Variants in ZFHX3 observed in about 807,000 individuals in gnomAD.
The protein encoded by ZFHX3 is zinc finger homeobox 3, also known as zinc finger homeobox protein 3.
A neutral mutation model predicts 279.1 loss-of-function variants in ZFHX3; 42 were observed. The observed-to-expected ratio is 0.15, with a 90% confidence interval of 0.12 to 0.19. The LOEUF is 0.19. ZFHX3 is among the 10% of genes least tolerant of loss of function. The pLI is 1.00. For missense variants in ZFHX3, 4,981 were observed against 4,754.0 expected, an observed-to-expected ratio of 1.05 and a Z score of -1.40; for synonymous variants, 2,293 against 1,957.8, an observed-to-expected ratio of 1.17 and a Z score of -4.52.
chr16:73,356,870 T>A, intron 3 of ZFHX3, among the ~76,000 whole-genome samples: 1 of 147,928 alleles, frequency 6.8e-6, no homozygotes, highest in South Asian at 2.2e-4. Flanking sequence ...GCCATGGGAG[T>A]ACACTAGGCC....
chr16:73,783,379 C>T (rs1213290754), intron 1 of ZFHX3, among the ~76,000 whole-genome samples: 1 of 152,180 alleles, frequency 6.6e-6, no homozygotes, highest in Non-Finnish European at 1.5e-5. Context: ...TCATGTTGTT[C>T]CCCAGTGTAT....
intron 4 of ZFHX3, among the ~76,000 whole-genome samples, chr16:72,878,949 T>A (rs2038389987): frequency 6.6e-6 from 1 of 152,104 alleles, no homozygotes; most frequent in East Asian, 1.9e-4. Flanking sequence ...CATCCAAGAT[T>A]GCCAGGAAGG....
intron 2 of ZFHX3, among the ~76,000 whole-genome samples, chr16:73,494,490 G>A (rs1017810386): frequency 6.6e-6 from 1 of 152,028 alleles, no homozygotes; most frequent in Non-Finnish European, 1.5e-5. Flanking sequence ...TTGATGCACC[G>A]ACCTAATCAT....
At chr16:73,838,254 C>G (rs1390396196) in intron 1 of ZFHX3, among the ~76,000 whole-genome samples, 1 of 152,206 alleles carries the variant, frequency 6.6e-6, no homozygotes, top group Non-Finnish European at 1.5e-5. Flanking sequence ...GTGGCCAGAG[C>G]TGTAGCCAAC....
intron 2 of ZFHX3, among the ~76,000 whole-genome samples, chr16:73,581,964 G>A (rs375054248): frequency 2.6e-5 from 4 of 151,766 alleles, no homozygotes; most frequent in East Asian, 1.9e-4. Context: ...ATGAGCCACC[G>A]CACCCAGCCT....
At chr16:73,309,906 CTTT>C (rs57812149) in intron 4 of ZFHX3, among the ~76,000 whole-genome samples, 2 of 114,406 alleles carry the variant, frequency 1.7e-5, no homozygotes, top group African/African-American at 3.2e-5. Context: ...TTTTTCTTGC[CTTT>C]TTTTTTTTTT....
intron 3 of ZFHX3, among the ~76,000 whole-genome samples, chr16:73,448,365 G>A (rs763960956): frequency 2.0e-5 from 3 of 152,100 alleles, no homozygotes; most frequent in Non-Finnish European, 2.9e-5. Flanking sequence ...AAACTAAGTG[G>A]TAAGCTATTA....
At chr16:72,907,517 G>A (rs2039206512) in intron 3 of ZFHX3, among the ~76,000 whole-genome samples, 1 of 147,064 alleles carries the variant, frequency 6.8e-6, no homozygotes, top group Admixed American at 6.9e-5. Context: ...AGCTCTACCG[G>A]TTCTCGGTTT....
At chr16:73,036,070 T>G (rs1048679115) in intron 1 of ZFHX3, among the ~76,000 whole-genome samples, 1 of 152,234 alleles carries the variant, frequency 6.6e-6, no homozygotes, top group Non-Finnish European at 1.5e-5. Context: ...AGGGGCCTGG[T>G]GTCCACCTTC....
intron 5 of ZFHX3, among the ~76,000 whole-genome samples, chr16:72,816,417 A>G (rs2036607641): frequency 1.3e-5 from 2 of 152,214 alleles, no homozygotes; most frequent in Admixed American, 1.3e-4. Context: ...TGCGCTATAG[A>G]TGACAAACTC....
intron 2 of ZFHX3, among the ~76,000 whole-genome samples, chr16:73,541,131 T>C (rs529275470): frequency 6.6e-6 from 1 of 152,254 alleles, no homozygotes; most frequent in South Asian, 2.1e-4. Flanking sequence ...TCCACCTTTA[T>C]GAATATTTAT....
At chr16:73,329,748 T>C (rs928837623) in intron 3 of ZFHX3, among the ~76,000 whole-genome samples, 8 of 152,100 alleles carry the variant, frequency 5.3e-5, no homozygotes, top group Admixed American at 5.2e-4. Context: ...AATGGGCAAA[T>C]CTAAGTAGGC....
At chr16:73,373,264 G>A (rs754329293) in intron 3 of ZFHX3, among the ~76,000 whole-genome samples, 4 of 152,036 alleles carry the variant, frequency 2.6e-5, no homozygotes, top group Non-Finnish European at 4.4e-5. Context: ...CCCTTTGGCC[G>A]AATTGTGCTA....
intron 2 of ZFHX3, among the ~76,000 whole-genome samples, chr16:73,672,281 G>A (rs996216466): frequency 1.3e-5 from 2 of 152,056 alleles, no homozygotes; most frequent in South Asian, 4.2e-4. Flanking sequence ...TGGGAACAAG[G>A]CAAGATATAC....
At chr16:73,372,657 T>C (rs749300367) in intron 3 of ZFHX3, among the ~76,000 whole-genome samples, 21 of 152,226 alleles carry the variant, frequency 1.4e-4, no homozygotes, top group Non-Finnish European at 2.8e-4. Context: ...TGATTTTCTC[T>C]GGCTGCTCAG....
chr16:73,795,715 A>G (rs191348247), intron 1 of ZFHX3, among the ~76,000 whole-genome samples: 6 of 152,314 alleles, frequency 3.9e-5, no homozygotes, highest in Admixed American at 6.5e-5. Context: ...TTGATCATCA[A>G]TCCCTTAACT....
Position 72,958,965 on chromosome 16 carries a change from A to T in ZFHX3, c.1181T>A (p.Leu394His), listed in dbSNP as rs1961414877. Reference protein sequence around the residue: ...AAGPEQPQAGLLTPSTLLNLG... With the variant: ...AAGPEQPQAGHLTPSTLLNLG... ...GTTCAACAGGGTGCTGGGGGTCAAG[A>T]GACCAGCCTGGGGCTGCTCGGGGCC... The change falls in exon 2 of 10, where the codon CTC (leucine) becomes CAC (histidine). Residue 394 changes from leucine (L) to histidine (H), a missense_variant. Physicochemically the swap from Leu to His is moderately conservative, Grantham distance 99. Coordinates refer to ENST00000268489, the MANE Select transcript of ZFHX3 (RefSeq NM_006885.4). The T allele has an allele frequency of 1.9e-6, 3 of 1,598,748 alleles. No individual in the cohort carries two copies. Among genetic ancestry groups the T allele is most frequent in the Non-Finnish European group, 2.6e-6 (3 of 1,172,872 alleles).
At chr16:73,296,988 C>T (rs1334506752) in intron 4 of ZFHX3, among the ~76,000 whole-genome samples, 1 of 149,648 alleles carries the variant, frequency 6.7e-6, no homozygotes, top group African/African-American at 2.5e-5. Context: ...TGCCATTCTC[C>T]TGCCTCAGCC....
intron 1 of ZFHX3, among the ~76,000 whole-genome samples, chr16:73,713,224 CTT>C (rs1259093264): frequency 6.6e-6 from 1 of 152,204 alleles, no homozygotes; most frequent in Non-Finnish European, 1.5e-5. Flanking sequence ...ACCAGCCAAG[CTT>C]TTTGTGAGGC....
Sources: allele counts gnomAD v4.1 joint callset (sites outside exome capture counted in the v4.1 genomes callset), GRCh38; gene constraint gnomAD v4.1.1; transcripts MANE v1.5; gene names NCBI Gene and HGNC (gene_info 2026-07-23, HGNC 2026-07-21).